Variants in TC2N observed in about 807,000 individuals in gnomAD.
The protein encoded by TC2N is tandem C2 domains nuclear protein.
A neutral mutation model predicts 61.9 loss-of-function variants in TC2N; 51 were observed. That is an observed-to-expected ratio of 0.82 (90% confidence interval 0.66 to 1.04). The LOEUF is 1.04. Ranked by LOEUF, TC2N falls within the 50% of genes least tolerant of loss-of-function variation. The pLI, the probability that TC2N is intolerant of heterozygous loss-of-function variation, is 0.00. For missense variants in TC2N, 556 were observed against 566.7 expected (o/e 0.98, Z 0.19); for synonymous variants, 204 against 192.6 (o/e 1.06, Z -0.49).
chr14:91,836,217 A>AC (rs1355756080), intron 1 of TC2N: 2 of 152,324 alleles, frequency 1.3e-5, no homozygotes, highest in Admixed American at 1.3e-4. Context: ...CCTCACAGGC[A>AC]CCCCCCACAG....
intron 1 of TC2N, among the ~76,000 whole-genome samples, chr14:91,835,977 C>T (rs886186345): frequency 2.0e-5 from 3 of 152,090 alleles, no homozygotes; most frequent in Non-Finnish European, 2.9e-5. Flanking sequence ...GAGCCGCCCA[C>T]CTGGCCAGCG....
At chr14:91,820,033 A>C (rs997863806) in intron 1 of TC2N, among the ~76,000 whole-genome samples, 7 of 152,184 alleles carry the variant, frequency 4.6e-5, no homozygotes, top group African/African-American at 1.7e-4. Flanking sequence ...GCAAGATGAT[A>C]GATTTGAACT....
intron 3 of TC2N, among the ~76,000 whole-genome samples, chr14:91,802,886 T>A (rs1595236221): frequency 6.6e-6 from 1 of 150,456 alleles, no homozygotes; most frequent in East Asian, 2.0e-4. Flanking sequence ...GCAATTAAGT[T>A]GGAAATCAAA....
chr14:91,828,231 T>G (rs1257635629), intron 1 of TC2N, among the ~76,000 whole-genome samples: 1 of 152,160 alleles, frequency 6.6e-6, no homozygotes, highest in African/African-American at 2.4e-5. Flanking sequence ...TATACAAAAG[T>G]ATAGCAAATA....
In TC2N at chr14:91,867,241, GAGA is replaced by G. The variant is rs1315515109; in HGVS notation, c.-57+18_-57+20del. The G allele has an allele frequency of 2.6e-5, 4 of 152,162 alleles. No individual in the cohort carries two copies. The highest frequency in any genetic ancestry group is 5.9e-5 in the Non-Finnish European group (4 of 68,022). 9.4% of individuals were successfully genotyped at this position (152,162 alleles called of 1,614,324 possible). A position where few individuals can be genotyped will look rare whatever the true frequency, so the allele number is the denominator to read the frequency against. On this transcript the variant is annotated intron_variant, in intron 1 of 11. Transcript: ENST00000435962. Reference sequence around the variant, plus strand: ...CAGAAAGCTTCCCAGTTTTCTTTTTGAGAAGTTCATGGAGACTTACCCCTGTGT... The same window carrying G: ...CAGAAAGCTTCCCAGTTTTCTTTTTGAGTTCATGGAGACTTACCCCTGTGT...
Position 91,800,311 on chromosome 14 carries a change from A to G in TC2N, c.531T>C (p.Asp177=), listed in dbSNP as rs201092036. The G allele has an allele frequency of 6.2e-6, 10 of 1,604,706 alleles. No homozygotes were observed. Among genetic ancestry groups the G allele is most frequent in the Non-Finnish European group, 8.5e-7 (1 of 1,174,856 alleles). Residue 177 remains aspartate, a synonymous_variant, in exon 5 of 12, where the codon GAT becomes GAC. Transcript: ENST00000435962. Reference sequence around the variant, plus strand: ...TGAATCGCTGAGATGAGTTTGTAAGATCAAACATAGATTTGCTTAGCCCAG... The same window carrying G: ...TGAATCGCTGAGATGAGTTTGTAAGGTCAAACATAGATTTGCTTAGCCCAG... ...GSPGLSKSMF[D]LTNSSQRFIQ...
At chr14:91,840,923 T>A (rs983920171) in intron 1 of TC2N, among the ~76,000 whole-genome samples, 3 of 152,130 alleles carry the variant, frequency 2.0e-5, no homozygotes, top group African/African-American at 7.2e-5. Flanking sequence ...CTCAGTGCCC[T>A]CCCACAAAGC....
intron 9 of TC2N, among the ~76,000 whole-genome samples, chr14:91,791,414 C>T (rs1386745823): frequency 6.6e-6 from 1 of 152,096 alleles, no homozygotes; most frequent in Non-Finnish European, 1.5e-5. Flanking sequence ...AAATTTAAAA[C>T]CGCATATAGG....
Position 91,802,318 on chromosome 14 carries a change from G to C in TC2N, c.405C>G (p.His135Gln). The C allele has an allele frequency of 2.5e-6, 4 of 1,609,236 alleles. No homozygotes were observed. In the Admixed American group the frequency reaches 5.1e-5, roughly 20 times the overall value. The change falls in exon 4 of 12, where the codon CAC (histidine) becomes CAG (glutamine). Residue 135 changes from histidine (H) to glutamine (Q), a missense_variant. By Grantham distance (24) the His-to-Gln change is conservative (BLOSUM62 0). Coordinates refer to ENST00000435962, the MANE Select transcript of TC2N (RefSeq NM_001128596.3). ...AGCGTCGACTCAAATCAGGTGAAAT[G>C]TGCTGATACATATAGAATGGGTTAT... ...DVYNPFYMYQHISPDLSRRFP... is the reference protein window; with the variant it reads ...DVYNPFYMYQQISPDLSRRFP...
chr14:91,797,987 G>T, intron 7 of TC2N, 86 bp from the exon 8 acceptor site: 1 of 892,062 alleles, frequency 1.1e-6, no homozygotes, highest in Non-Finnish European at 1.7e-6. Context: ...ACTGACTTTA[G>T]ATAAAAACTG....
intron 1 of TC2N, among the ~76,000 whole-genome samples, chr14:91,819,760 A>T (rs1277753767): frequency 1.3e-5 from 2 of 152,178 alleles, no homozygotes; most frequent in Non-Finnish European, 2.9e-5. Flanking sequence ...CAATAGCACA[A>T]AGGCCGGGGG....
chr14:91,844,760 C>CAA lies in TC2N; in HGVS notation c.-57+22500_-57+22501dup, dbSNP rs34223127. Among the ~76,000 whole-genome samples, 489 of 92,492 alleles carry CAA rather than the reference C, an allele frequency of 5.3e-3. 40 individuals are homozygous for CAA. The highest frequency in any genetic ancestry group is 0.021 in the African/African-American group (425 of 19,972). The allele number at this position is 92,492 out of a possible 152,430, so 60.7% of individuals were successfully genotyped here. ...TGGGCGACAGAGCGAGACTCTGTCT[C>CAA]AAAAAAAAAAAAAAAAAAAAAAAAA... On this transcript the variant is annotated intron_variant, in intron 1 of 11. Transcript: ENST00000435962.
chr14:91,797,106 C>T (rs113810408), intron 8 of TC2N, among the ~76,000 whole-genome samples: 8 of 151,818 alleles, frequency 5.3e-5, no homozygotes, highest in African/African-American at 1.4e-4. Flanking sequence ...TCTAGAATAC[C>T]TGTAAAAGTT....
At chr14:91,860,818 A>G (rs929335759) in intron 1 of TC2N, among the ~76,000 whole-genome samples, 1 of 152,234 alleles carries the variant, frequency 6.6e-6, no homozygotes, top group Non-Finnish European at 1.5e-5. Flanking sequence ...GCTACTGTCC[A>G]TGAAACCCTC....
intron 1 of TC2N, among the ~76,000 whole-genome samples, chr14:91,858,154 T>TC (rs1555373189): frequency 6.5e-5 from 9 of 139,194 alleles, no homozygotes; most frequent in East Asian, 2.1e-4. Context: ...TTCTTCTTCT[T>TC]TTTTTTTTTT....
At chr14:91,803,890 A>T (rs1886380922) in intron 3 of TC2N, among the ~76,000 whole-genome samples, 1 of 152,236 alleles carries the variant, frequency 6.6e-6, no homozygotes, top group African/African-American at 2.4e-5. Context: ...GCTCATATGC[A>T]TCCAAGTACT....
intron 3 of TC2N, among the ~76,000 whole-genome samples, chr14:91,810,577 T>C (rs1375236978): frequency 6.6e-6 from 1 of 151,636 alleles, no homozygotes; most frequent in Non-Finnish European, 1.5e-5. Context: ...AAAAAGACAA[T>C]CCACAGAATC....
At chr14:91,803,189 G>A (rs1295712292) in intron 3 of TC2N, among the ~76,000 whole-genome samples, 1 of 151,900 alleles carries the variant, frequency 6.6e-6, no homozygotes, top group Non-Finnish European at 1.5e-5. Context: ...GAAAAAATAA[G>A]CCTGCATTCA....
chr14:91,824,367 T>C (rs925002748), intron 1 of TC2N, among the ~76,000 whole-genome samples: 3 of 152,232 alleles, frequency 2.0e-5, no homozygotes, highest in Non-Finnish European at 2.9e-5. Flanking sequence ...CCTCTGCTGG[T>C]CTGACATAGT....
Sources: gnomAD v4.1 joint callset for allele counts (sites outside exome capture counted in the v4.1 genomes callset) on GRCh38, gnomAD v4.1.1 for gene constraint, MANE v1.5 for transcripts, NCBI Gene and HGNC (gene_info 2026-07-23, HGNC 2026-07-21) for gene names.